Variants in NRXN3 observed in about 807,000 individuals in gnomAD.
NRXN3 encodes neurexin III.
A neutral mutation model predicts 137.6 loss-of-function variants in NRXN3; 32 were observed. The observed-to-expected ratio is 0.23, with a 90% confidence interval of 0.18 to 0.31. NRXN3 has a LOEUF of 0.31. Ranked by LOEUF, NRXN3 falls within the 10% of genes least tolerant of loss-of-function variation. The pLI is 1.00. For synonymous variants in NRXN3, 798 were observed against 784.5 expected (o/e 1.02, Z -0.29); for missense variants, 1,574 against 2,062.5 (o/e 0.76, Z 4.59).
At chr14:79,593,271 A>G (rs1235259977) in intron 16 of NRXN3, among the ~76,000 whole-genome samples, 1 of 152,212 alleles carries the variant, frequency 6.6e-6, no homozygotes, top group Non-Finnish European at 1.5e-5. Context: ...TATAATTTAA[A>G]CAATGGGAGT....
At chr14:79,390,827 T>A (rs1208941667) in intron 15 of NRXN3, among the ~76,000 whole-genome samples, 1 of 152,168 alleles carries the variant, frequency 6.6e-6, no homozygotes, top group Non-Finnish European at 1.5e-5. Flanking sequence ...AGTGTTGGTG[T>A]ATGGGGCCTG....
intron 19 of NRXN3, among the ~76,000 whole-genome samples, chr14:79,727,922 C>A (rs1347008710): frequency 6.6e-6 from 1 of 152,112 alleles, no homozygotes; most frequent in African/African-American, 2.4e-5. Flanking sequence ...GCCCTGGATG[C>A]AGAAAGCAAT....
At chr14:78,851,955 A>G (rs1439884941) in intron 10 of NRXN3, among the ~76,000 whole-genome samples, 2 of 152,142 alleles carry the variant, frequency 1.3e-5, no homozygotes, top group Non-Finnish European at 2.9e-5. Context: ...ACCTTAATAG[A>G]CCTTTATTTT....
intron 16 of NRXN3, among the ~76,000 whole-genome samples, chr14:79,481,274 A>G (rs2096605702): frequency 6.6e-6 from 1 of 152,198 alleles, no homozygotes; most frequent in African/African-American, 2.4e-5. Flanking sequence ...TTTTGTTTTC[A>G]TCTTTGTATT....
intron 15 of NRXN3, among the ~76,000 whole-genome samples, chr14:79,288,685 A>G (rs1286007451): frequency 6.6e-6 from 1 of 152,230 alleles, no homozygotes; most frequent in Non-Finnish European, 1.5e-5. Flanking sequence ...AACAGACTAC[A>G]CAAACACATC....
intron 16 of NRXN3, among the ~76,000 whole-genome samples, chr14:79,633,926 T>A (rs564588471): frequency 6.6e-6 from 1 of 152,280 alleles, no homozygotes; most frequent in African/African-American, 2.4e-5. Context: ...CTCTGCCATC[T>A]GACACTTTCA....
At chr14:78,635,105 A>G (rs1185031997) in intron 4 of NRXN3, among the ~76,000 whole-genome samples, 1 of 152,158 alleles carries the variant, frequency 6.6e-6, no homozygotes, top group Admixed American at 6.5e-5. Context: ...TTTTCTCTAG[A>G]TACTTAAAGG....
chr14:78,266,957 C>A (rs1399786732), intron 2 of NRXN3, among the ~76,000 whole-genome samples: 1 of 152,140 alleles, frequency 6.6e-6, no homozygotes, highest in Non-Finnish European at 1.5e-5. Flanking sequence ...TCTGTCAGGG[C>A]AAGGATCCAT....
chr14:79,670,998 C>T (rs1218869289), intron 17 of NRXN3, among the ~76,000 whole-genome samples: 3 of 152,106 alleles, frequency 2.0e-5, no homozygotes, highest in Non-Finnish European at 4.4e-5. Context: ...ACACTTTCTC[C>T]CAGAGGTGTA....
intron 4 of NRXN3, among the ~76,000 whole-genome samples, chr14:78,641,497 A>G (rs1329986134): frequency 6.6e-6 from 1 of 152,206 alleles, no homozygotes; most frequent in Non-Finnish European, 1.5e-5. Context: ...GGACTGGGTT[A>G]TGCATTGCTA....
At chr14:78,644,910 G>C (rs148058079) in intron 4 of NRXN3, among the ~76,000 whole-genome samples, 5 of 152,286 alleles carry the variant, frequency 3.3e-5, no homozygotes, top group African/African-American at 1.2e-4. Context: ...TTCTACCCTC[G>C]TGTGGACACG....
chr14:78,679,458 G>T (rs1008604171), intron 6 of NRXN3, among the ~76,000 whole-genome samples: 1 of 152,046 alleles, frequency 6.6e-6, no homozygotes, highest in African/African-American at 2.4e-5. Flanking sequence ...ATATTATTCA[G>T]CTTAGCCTGA....
At chr14:78,232,570 C>T (rs1208524417) in intron 1 of NRXN3, among the ~76,000 whole-genome samples, 2 of 152,178 alleles carry the variant, frequency 1.3e-5, no homozygotes, top group Non-Finnish European at 2.9e-5. Flanking sequence ...TAATTTTCCT[C>T]TCCCCTTACC....
chr14:79,414,438 T>C (rs772311091), intron 15 of NRXN3, among the ~76,000 whole-genome samples: 4 of 152,194 alleles, frequency 2.6e-5, no homozygotes, highest in Non-Finnish European at 4.4e-5. Context: ...ACCTTTGAGA[T>C]AAATTTTATA....
In NRXN3 at chr14:78,419,957, G is replaced by GCACA. The variant is rs1555518579; in HGVS notation, c.757+122100_757+122101insACAC. Among the ~76,000 whole-genome samples, 93 of 48,082 alleles carry GCACA rather than the reference G, an allele frequency of 1.9e-3. No homozygotes were observed. In the Middle Eastern group the frequency reaches 0.065, roughly 34 times the overall value. The allele number at this position is 48,082 out of a possible 152,430, so 31.5% of individuals were successfully genotyped here. ...TGTGCACGTGTGTGCGCGCGCGCGC[G>GCACA]CACGCACACACACACACACACACAC... On this transcript the variant is annotated intron_variant, in intron 4 of 20. Coordinates refer to ENST00000335750, the MANE Select transcript of NRXN3 (RefSeq NM_001330195.2).
chr14:78,944,595 A>C (rs1444833917), intron 10 of NRXN3, among the ~76,000 whole-genome samples: 1 of 152,212 alleles, frequency 6.6e-6, no homozygotes, highest in African/African-American at 2.4e-5. Context: ...GATGAAGCCC[A>C]TGTGAAGACA....
chr14:78,645,609 C>T (rs567403883), intron 5 of NRXN3, among the ~76,000 whole-genome samples, 188 bp downstream of exon 5: 1 of 150,622 alleles, frequency 6.6e-6, no homozygotes, highest in African/African-American at 2.4e-5. Flanking sequence ...TCTCCACATA[C>T]TTCAATTCTC....
chr14:79,569,968 G>A (rs1460854284), intron 16 of NRXN3, among the ~76,000 whole-genome samples: 1 of 152,104 alleles, frequency 6.6e-6, no homozygotes, highest in Non-Finnish European at 1.5e-5. Flanking sequence ...ATCACCAGAA[G>A]GGATACACCC....
chr14:79,551,963 T>A (rs1487958213), intron 16 of NRXN3, among the ~76,000 whole-genome samples: 3 of 152,186 alleles, frequency 2.0e-5, no homozygotes, highest in Non-Finnish European at 4.4e-5. Context: ...TTTTCGTCAT[T>A]AGCCCAGATG....
Sources: gnomAD v4.1 joint callset for allele counts (sites outside exome capture counted in the v4.1 genomes callset) on GRCh38, gnomAD v4.1.1 for gene constraint, MANE v1.5 for transcripts, NCBI Gene and HGNC (gene_info 2026-07-23, HGNC 2026-07-21) for gene names.